NLRP13: variants seen among roughly 807,000 people sequenced by gnomAD.
NLRP13 encodes NACHT, LRR and PYD domains-containing protein 13.
In NLRP13, 82 loss-of-function variants were observed where a neutral mutation model predicts 94.4. That is an observed-to-expected ratio of 0.87 (90% CI 0.73 to 1.04). NLRP13 has a LOEUF of 1.04. Among genes scored for constraint, NLRP13 ranks in the 50% least tolerant of loss-of-function variants. The pLI, the probability that NLRP13 is intolerant of heterozygous loss-of-function variation, is 0.00. For missense variants in NLRP13, 1,426 were observed against 1,230.8 expected (o/e 1.16, Z -2.37); for synonymous variants, 553 against 464.7 (o/e 1.19, Z -2.45).
At chr19:55,926,625 G>T (rs183523554) in intron 1 of NLRP13, among the ~76,000 whole-genome samples, 66 of 152,216 alleles carry the variant, frequency 4.3e-4, no homozygotes, top group African/African-American at 1.5e-3. Flanking sequence ...CTCAATGTAG[G>T]GAAGCACCGG....
In NLRP13 at chr19:55,907,649, C is replaced by T. The variant is rs1986392201; in HGVS notation, c.2447+143G>A. On this transcript the variant is annotated intron_variant, in intron 7 of 10. Transcript: ENST00000342929. ...TTAAAATTTGAGAACCACGGCTCTA[C>T]ACATAGGAACATTCTCCTTTGCTCA... The T allele has an allele frequency of 4.3e-5, 33 of 760,596 alleles. No individual in the cohort carries two copies. In the South Asian group the frequency reaches 5.1e-4, roughly 12 times the overall value. 47.1% of individuals were successfully genotyped at this position (760,596 alleles called of 1,614,324 possible).
At chr19:55,906,147 G>C (rs1986339208) in intron 7 of NLRP13, among the ~76,000 whole-genome samples, 1 of 152,018 alleles carries the variant, frequency 6.6e-6, no homozygotes, top group Non-Finnish European at 1.5e-5. Flanking sequence ...AGACCAGCCT[G>C]TCCAACATGG....
At chr19:55,927,000 G>T (rs1986980715) in intron 1 of NLRP13, among the ~76,000 whole-genome samples, 1 of 151,648 alleles carries the variant, frequency 6.6e-6, no homozygotes, top group Non-Finnish European at 1.5e-5. Context: ...GAAGAAAAGG[G>T]GTAGCAACCT....
intron 9 of NLRP13, among the ~76,000 whole-genome samples, chr19:55,901,535 G>A (rs559321363): frequency 6.6e-6 from 1 of 152,308 alleles, no homozygotes; most frequent in South Asian, 2.1e-4. Context: ...CTGTTAGCAT[G>A]CCTGGGCACG....
chr19:55,893,668 G>A (rs1480413477), downstream of NLRP13, among the ~76,000 whole-genome samples: 1 of 152,146 alleles, frequency 6.6e-6, no homozygotes, highest in Non-Finnish European at 1.5e-5. Context: ...CTTGTGGGCA[G>A]GCCAGAGTAA....
chr19:55,892,077 G>A, downstream of NLRP13: 3 of 1,228,746 alleles, frequency 2.4e-6, no homozygotes, highest in East Asian at 3.2e-5. Context: ...CTTCTGTGAG[G>A]TCTGTATCTC....
At position 55,912,951 on chromosome 19, in the gene NLRP13, C is replaced by T. The variant is rs1986567679; in HGVS notation, c.866G>A (p.Trp289Ter). 2.5e-6 allele frequency: 4 copies of T among 1,614,026 alleles called. No individual in the cohort carries two copies. Among genetic ancestry groups the T allele is most frequent in the Admixed American group, 1.7e-5 (1 of 60,018 alleles). ...TTFAELISLD[W>*]PDFDAPIEEF... is the part of the protein sequence containing the mutation. The stretch of plus-strand genomic sequence containing the variant: ...TTCAATGGGGGCATCAAAATCGGGC[C>T]AATCCAAAGAAATCAATTCAGCAAA... The change falls in exon 5 of 11, where the codon TGG (tryptophan) becomes TAG (stop). Residue 289 changes from tryptophan (W) to a stop codon, truncating the protein, a stop_gained. Coordinates refer to ENST00000342929, the MANE Select transcript of NLRP13 (RefSeq NM_176810.2). LOFTEE classifies it high-confidence loss of function.
chr19:55,895,887 G>A, downstream of NLRP13: 1 of 1,554,456 alleles, frequency 6.4e-7, no homozygotes. Flanking sequence ...TGCTCTAGAA[G>A]CCTAGTCAAT....
At chr19:55,918,758 C>A (rs1400680684) in intron 4 of NLRP13, among the ~76,000 whole-genome samples, 2 of 151,990 alleles carry the variant, frequency 1.3e-5, no homozygotes, top group African/African-American at 4.8e-5. Flanking sequence ...AATCCCAGTA[C>A]CAGATGTATT....
At chr19:55,913,434 A>G (rs1426174426) in intron 4 of NLRP13, 141 bp from the exon 5 acceptor site, 3 of 958,306 alleles carry the variant, frequency 3.1e-6, no homozygotes, top group Non-Finnish European at 4.5e-6. Context: ...AGTGGTAGAA[A>G]GTTGCAAAAG....
intron 3 of NLRP13, among the ~76,000 whole-genome samples, 156 bp downstream of exon 3, chr19:55,924,434 T>C (rs1466300601): frequency 6.6e-6 from 1 of 152,196 alleles, no homozygotes; most frequent in Non-Finnish European, 1.5e-5. Context: ...TAAGTTATTA[T>C]TTAATAAGAA....
chr19:55,895,148 T>C (rs1185876640), downstream of NLRP13, among the ~76,000 whole-genome samples: 1 of 150,376 alleles, frequency 6.6e-6, no homozygotes, highest in African/African-American at 2.5e-5. Flanking sequence ...TCGCAGCACT[T>C]TGGGAGGCGG....
At chr19:55,927,566 G>C (rs1440157310) in intron 1 of NLRP13, among the ~76,000 whole-genome samples, 1 of 151,906 alleles carries the variant, frequency 6.6e-6, no homozygotes, top group Non-Finnish European at 1.5e-5. Context: ...GGGGTAGAGG[G>C]TGTGTGTGTA....
intron 10 of NLRP13, among the ~76,000 whole-genome samples, chr19:55,898,200 G>GTTTTTTTTTTTTTTTTTTT: frequency 7.4e-6 from 1 of 135,574 alleles, no homozygotes; most frequent in Non-Finnish European, 1.6e-5. Flanking sequence ...GAGAGTTTTT[G>GTTTTTTTTTTTTTTTTTTT]TTTTTGTTTT....
At position 55,907,392 on chromosome 19, in the gene NLRP13, CA is replaced by C. The variant is rs1399593131; in HGVS notation, c.2447+399del. On this transcript the variant is annotated intron_variant, in intron 7 of 10. Coordinates refer to ENST00000342929, the MANE Select transcript of NLRP13 (RefSeq NM_176810.2). ...TTCAAGACCAGCCTGGGAAACATGGCAAAACCCCATTTCTACAAAAAGTACA... is the reference window on the plus strand; with the variant it reads ...TTCAAGACCAGCCTGGGAAACATGGCAAACCCCATTTCTACAAAAAGTACA... Among the ~76,000 whole-genome samples the C allele has an allele frequency of 3.9e-5, 6 of 152,004 alleles. No homozygotes were observed. The East Asian group carries it at 1.2e-3, about 30-fold the overall frequency.
At chr19:55,927,127 T>C (rs2088988205) in intron 1 of NLRP13, among the ~76,000 whole-genome samples, 1 of 152,034 alleles carries the variant, frequency 6.6e-6, no homozygotes, top group African/African-American at 2.4e-5. Flanking sequence ...TCCTAGCACT[T>C]TGGGAGGCTG....
intron 4 of NLRP13, among the ~76,000 whole-genome samples, chr19:55,919,120 CTA>C (rs1986746780): frequency 6.6e-6 from 1 of 152,050 alleles, no homozygotes; most frequent in Non-Finnish European, 1.5e-5. Context: ...AAAACAAAAA[CTA>C]TATGATCATC....
In NLRP13 at chr19:55,896,034, G is replaced by T. The variant is rs756044975; in HGVS notation, c.3043C>A (p.Leu1015Ile). The T allele has an allele frequency of 3.3e-5, 54 of 1,614,052 alleles. No individual in the cohort carries two copies. Among genetic ancestry groups the T allele is most frequent in the Non-Finnish European group, 4.4e-5 (52 of 1,180,040 alleles). ...TCAGTATCCAATTCATTGCCTAGAA[G>T]GTTCAGATTGACCAGGCTCTTACTG... is the stretch of plus-strand genomic sequence containing the variant. ...SSSKSLVNLN[L>I]LGNELDTDGV... The change falls in exon 11 of 11, where the codon CTT becomes ATT. Residue 1015 changes from leucine (L) to isoleucine (I), a missense_variant. Physicochemically the swap from Leu to Ile is conservative, Grantham distance 5. Coordinates refer to ENST00000342929, the MANE Select transcript of NLRP13 (RefSeq NM_176810.2).
intron 10 of NLRP13, among the ~76,000 whole-genome samples, chr19:55,898,540 T>TC (rs1397765603): frequency 6.6e-6 from 1 of 152,054 alleles, no homozygotes; most frequent in Non-Finnish European, 1.5e-5. Context: ...AGACGGGGTT[T>TC]CCCCATGTTG....
Sources: allele counts gnomAD v4.1 joint callset (sites outside exome capture counted in the v4.1 genomes callset), GRCh38; gene constraint gnomAD v4.1.1; transcripts MANE v1.5; gene names NCBI Gene and HGNC (gene_info 2026-07-23, HGNC 2026-07-21).